Variants in MARCHF1 observed in about 807,000 individuals in gnomAD.
The protein encoded by MARCHF1 is E3 ubiquitin-protein ligase MARCHF1.
A neutral mutation model predicts 54.2 loss-of-function variants in MARCHF1; 40 were observed. The ratio of observed to expected loss-of-function variants is 0.74; its 90% CI spans 0.57 to 0.96. MARCHF1 has a LOEUF of 0.96. Among genes scored for constraint, MARCHF1 ranks in the 40% least tolerant of loss-of-function variants. The pLI is 0.00. For missense variants in MARCHF1, 586 were observed against 656.5 expected (o/e 0.89, Z 1.17); for synonymous variants, 236 against 236.3 (o/e 1.00, Z 0.01).
At chr4:163,774,784 C>T (rs1049828461) in intron 4 of MARCHF1, among the ~76,000 whole-genome samples, 3 of 152,096 alleles carry the variant, frequency 2.0e-5, no homozygotes, top group South Asian at 2.1e-4. Flanking sequence ...GTGTGAGTGA[C>T]CACGCCCAGT....
intron 5 of MARCHF1, among the ~76,000 whole-genome samples, chr4:163,656,597 A>C (rs544611274): frequency 6.6e-6 from 1 of 152,126 alleles, no homozygotes; most frequent in South Asian, 2.1e-4. Flanking sequence ...GCAGAGACAC[A>C]ACAACAACAA....
intron 4 of MARCHF1, among the ~76,000 whole-genome samples, chr4:163,706,313 GA>G (rs1318237906): frequency 3.9e-5 from 6 of 151,976 alleles, no homozygotes; most frequent in Admixed American, 3.9e-4. Context: ...GTCTTTGAGT[GA>G]CCACATAATG....
At chr4:163,626,936 A>C (rs1741892944) in intron 5 of MARCHF1, among the ~76,000 whole-genome samples, 1 of 152,230 alleles carries the variant, frequency 6.6e-6, no homozygotes, top group South Asian at 2.1e-4. Flanking sequence ...AACAAACCCA[A>C]ACCAAACCAA....
chr4:164,094,872 T>C (rs894817919), intron 2 of MARCHF1, among the ~76,000 whole-genome samples: 2 of 152,150 alleles, frequency 1.3e-5, no homozygotes, highest in African/African-American at 2.4e-5. Flanking sequence ...AGTATTTAAA[T>C]ATTTCTGAGA....
intron 1 of MARCHF1, among the ~76,000 whole-genome samples, chr4:164,240,482 G>C (rs989177497): frequency 6.6e-6 from 1 of 152,014 alleles, no homozygotes; most frequent in East Asian, 1.9e-4. Context: ...CTCCCAGATT[G>C]TTACTCCCAC....
At chr4:164,108,069 A>T (rs558285566) in intron 2 of MARCHF1, among the ~76,000 whole-genome samples, 6 of 152,018 alleles carry the variant, frequency 3.9e-5, no homozygotes, top group East Asian at 1.9e-4. Context: ...TTCTTATATC[A>T]ATTTATCAGA....
intron 4 of MARCHF1, among the ~76,000 whole-genome samples, chr4:163,704,768 AT>A (rs1421242603): frequency 6.6e-6 from 1 of 151,814 alleles, no homozygotes; most frequent in Non-Finnish European, 1.5e-5. Flanking sequence ...AAATGTTTTC[AT>A]TATTAAAGAA....
chr4:164,363,077 A>G (rs1730773014), intron 1 of MARCHF1, among the ~76,000 whole-genome samples: 1 of 152,116 alleles, frequency 6.6e-6, no homozygotes, highest in South Asian at 2.1e-4. Flanking sequence ...TTTAGTATAC[A>G]TAAAATATAC....
chr4:163,661,385 A>G (rs1743337835), intron 5 of MARCHF1, among the ~76,000 whole-genome samples: 1 of 151,854 alleles, frequency 6.6e-6, no homozygotes. Context: ...CTGTGATCTG[A>G]AATTTTGGCT....
At chr4:164,243,839 C>G (rs911365914) in intron 1 of MARCHF1, among the ~76,000 whole-genome samples, 14 of 151,634 alleles carry the variant, frequency 9.2e-5, no homozygotes, top group Non-Finnish European at 1.8e-4. Context: ...TTTAAACCAA[C>G]AAAGATCAAA....
intron 3 of MARCHF1, among the ~76,000 whole-genome samples, chr4:163,957,647 A>G (rs1752256777): frequency 6.6e-6 from 1 of 151,984 alleles, no homozygotes; most frequent in Non-Finnish European, 1.5e-5. Context: ...ACTCTTTTCT[A>G]TTGTTTCCTG....
intron 8 of MARCHF1, among the ~76,000 whole-genome samples, chr4:163,552,265 T>A (rs1739131391): frequency 6.6e-6 from 1 of 152,102 alleles, no homozygotes; most frequent in Non-Finnish European, 1.5e-5. Flanking sequence ...GAACTGCAAG[T>A]GGAAACAGTG....
intron 1 of MARCHF1, among the ~76,000 whole-genome samples, chr4:164,190,596 T>C (rs1448751252): frequency 6.6e-6 from 1 of 152,164 alleles, no homozygotes; most frequent in Non-Finnish European, 1.5e-5. Context: ...CTTCAAAATG[T>C]TCTATTTAAC....
At position 163,733,256 on chromosome 4, in the gene MARCHF1, T is replaced by TACACACAC. The variant is rs568650361; in HGVS notation, c.112-32394_112-32393insGTGTGTGT. Among the ~76,000 whole-genome samples the TACACACAC allele has an allele frequency of 2.3e-4, 10 of 43,174 alleles. 1 individual carries two copies. Among genetic ancestry groups the TACACACAC allele is most frequent in the African/African-American group, 5.9e-4 (10 of 16,996 alleles). The allele number at this position is 43,174 out of a possible 152,430, so 28.3% of individuals were successfully genotyped here. ...ATATATATATACACGTGTATATATA[T>TACACACAC]ATACACACACACACACACACAGACA... On this transcript the variant is annotated intron_variant, in intron 4 of 9. Coordinates refer to ENST00000514618, the MANE Select transcript of MARCHF1 (RefSeq NM_001394959.1).
intron 8 of MARCHF1, among the ~76,000 whole-genome samples, chr4:163,573,092 T>G (rs916241981): frequency 2.0e-5 from 3 of 152,094 alleles, no homozygotes; most frequent in Admixed American, 2.0e-4. Context: ...TCTGTCTTAT[T>G]ATAATGTTGA....
chr4:163,666,951 T>C (rs1743555452), intron 5 of MARCHF1, among the ~76,000 whole-genome samples: 1 of 152,146 alleles, frequency 6.6e-6, no homozygotes, highest in African/African-American at 2.4e-5. Context: ...TTTAATCTTC[T>C]ATCTATACCC....
At chr4:164,033,352 G>T (rs1753919341) in intron 2 of MARCHF1, among the ~76,000 whole-genome samples, 2 of 152,072 alleles carry the variant, frequency 1.3e-5, no homozygotes, top group African/African-American at 2.4e-5. Flanking sequence ...TACCATTCAA[G>T]ACATAGGCAT....
At chr4:164,098,514 T>C (rs2111149676) in intron 2 of MARCHF1, among the ~76,000 whole-genome samples, 1 of 152,350 alleles carries the variant, frequency 6.6e-6, no homozygotes. Flanking sequence ...TGTACTTCAG[T>C]CTTATTTCAT....
intron 2 of MARCHF1, among the ~76,000 whole-genome samples, chr4:164,058,938 A>G (rs1754553682): frequency 6.6e-6 from 1 of 152,214 alleles, no homozygotes; most frequent in Non-Finnish European, 1.5e-5. Flanking sequence ...TGTTCCATCT[A>G]TGCAGAGTAA....
Sources: allele counts gnomAD v4.1 joint callset (sites outside exome capture counted in the v4.1 genomes callset), GRCh38; gene constraint gnomAD v4.1.1; transcripts MANE v1.5; gene names NCBI Gene and HGNC (gene_info 2026-07-23, HGNC 2026-07-21).